The following SCGN variants were observed in gnomAD, a reference collection of about 807,000 sequenced individuals.
SCGN encodes secretagogin, EF-hand calcium binding protein, also known as secretagogin.
In SCGN, 30 loss-of-function variants were observed where a neutral mutation model predicts 39.7. The observed-to-expected ratio is 0.76, with a 90% CI of 0.57 to 1.03. The LOEUF (loss-of-function observed/expected upper bound fraction) is 1.03. SCGN is among the 50% of genes least tolerant of loss of function. The pLI is 0.00. For synonymous variants in SCGN, 106 were observed against 114.1 expected, an observed-to-expected ratio of 0.93 and a Z score of 0.45; for missense variants, 353 against 349.4, an observed-to-expected ratio of 1.01 and a Z score of -0.08.
chr6:25,697,398 T>G (rs941919108), intron 10 of SCGN, among the ~76,000 whole-genome samples: 1 of 152,226 alleles, frequency 6.6e-6, no homozygotes, highest in Non-Finnish European at 1.5e-5. Context: ...AGAATTATTT[T>G]AAGTGGGTTA....
At chr6:25,697,426 C>T (rs1739102604) in intron 10 of SCGN, among the ~76,000 whole-genome samples, 1 of 152,106 alleles carries the variant, frequency 6.6e-6, no homozygotes, top group South Asian at 2.1e-4. Flanking sequence ...ATGCACTTAC[C>T]ATCAGTGAAA....
intron 6 of SCGN, among the ~76,000 whole-genome samples, chr6:25,675,358 G>T (rs1484535294): frequency 6.6e-6 from 1 of 152,208 alleles, no homozygotes; most frequent in Non-Finnish European, 1.5e-5. Flanking sequence ...AGATAAGCCC[G>T]TGCCCAGGCA....
At chr6:25,700,798 AT>A (rs986556829) in intron 10 of SCGN, among the ~76,000 whole-genome samples, 8 of 151,580 alleles carry the variant, frequency 5.3e-5, no homozygotes, top group Admixed American at 1.3e-4. Flanking sequence ...CAGTATAACC[AT>A]TTTTTTTTAA....
Position 25,669,531 on chromosome 6 carries a change from T to A in SCGN, c.357T>A (p.Ala119=). The change falls in exon 5 of 11, where the codon GCT becomes GCA. Residue 119 remains alanine (A), a synonymous_variant. Transcript: ENST00000377961. Reference sequence around the variant, plus strand: ...TTCAGATTTGGCGCAAATATGACGCTGACAGCAGTGGCTTTATATCAGCTG... The same window carrying A: ...TTCAGATTTGGCGCAAATATGACGCAGACAGCAGTGGCTTTATATCAGCTG... ...EFMQIWRKYD[A]DSSGFISAAE... 6.2e-7 allele frequency: 1 copy of A among 1,613,766 alleles called. No homozygotes were observed. The highest frequency in any genetic ancestry group is 8.5e-7 in the Non-Finnish European group (1 of 1,179,648).
rs749218798 is a variant in SCGN at position 25,652,370 on chromosome 6, T to G, written c.-34T>G. On this transcript the variant is annotated 5_prime_UTR_variant, in exon 1 of 11. Coordinates refer to ENST00000377961, the MANE Select transcript of SCGN (RefSeq NM_006998.4). ...TCCTTCCCAAAGTTGTCTAGGTCCT[T>G]CCGCGCCGGTGCCTGGTCTTCGTCG... 3 of 1,599,464 alleles carry G rather than the reference T, an allele frequency of 1.9e-6. No individual in the cohort carries two copies. Among genetic ancestry groups the G allele is most frequent in the Admixed American group, 1.7e-5 (1 of 59,922 alleles).
At chr6:25,661,697 TCTTTA>T (rs1760341063) in intron 3 of SCGN, 53 bp downstream of exon 3, 1 of 1,218,294 alleles carries the variant, frequency 8.2e-7, no homozygotes, top group Admixed American at 1.7e-5. Context: ...ACTGTTTTTT[TCTTTA>T]CTTTATCGTC....
intron 6 of SCGN, among the ~76,000 whole-genome samples, chr6:25,680,184 C>A (rs1759621810): frequency 6.6e-6 from 1 of 152,150 alleles, no homozygotes; most frequent in Non-Finnish European, 1.5e-5. Context: ...ATATGCCAAG[C>A]ATTCAAAATT....
intron 10 of SCGN, among the ~76,000 whole-genome samples, chr6:25,693,267 C>T (rs188411310): frequency 2.6e-4 from 39 of 151,722 alleles, no homozygotes; most frequent in African/African-American, 7.7e-4. Flanking sequence ...CTGGCTAACG[C>T]GGTGAAACCC....
intron 6 of SCGN, among the ~76,000 whole-genome samples, chr6:25,681,525 G>A (rs2049968): frequency 0.39 from 58,676 of 152,060 alleles, 12,160 homozygotes; most frequent in Non-Finnish European, 0.47. Flanking sequence ...GTATTATTCT[G>A]TCCCTTTGAA....
chr6:25,652,552 A>G (rs1461732678), intron 1 of SCGN, 67 bp downstream of exon 1: 1 of 1,465,186 alleles, frequency 6.8e-7, no homozygotes, highest in Admixed American at 1.7e-5. Context: ...CGCTGAAAGG[A>G]CCTGGAGTTT....
At chr6:25,666,255 C>T (rs972528261) in intron 4 of SCGN, among the ~76,000 whole-genome samples, 2 of 151,134 alleles carry the variant, frequency 1.3e-5, no homozygotes, top group African/African-American at 2.4e-5. Flanking sequence ...ACTCGGGAGG[C>T]GTAGGGTGGA....
chr6:25,682,924 C>T (rs1759655901), intron 7 of SCGN, among the ~76,000 whole-genome samples: 2 of 152,198 alleles, frequency 1.3e-5, no homozygotes, highest in East Asian at 1.9e-4. Flanking sequence ...TATCTCCTTT[C>T]TTGGCAGCTA....
At chr6:25,670,556 C>G (rs1759482952) in intron 6 of SCGN, among the ~76,000 whole-genome samples, 1 of 152,238 alleles carries the variant, frequency 6.6e-6, no homozygotes, top group Non-Finnish European at 1.5e-5. Context: ...AGAAAACTGT[C>G]AAGCCTCTCA....
intron 7 of SCGN, among the ~76,000 whole-genome samples, chr6:25,686,459 C>A (rs1273942529): frequency 1.3e-5 from 2 of 152,078 alleles, no homozygotes; most frequent in Admixed American, 6.6e-5. Flanking sequence ...GCATTTCGAA[C>A]ATTTTTTATG....
intron 6 of SCGN, among the ~76,000 whole-genome samples, chr6:25,678,236 T>G (rs1434169441): frequency 2.0e-5 from 3 of 152,118 alleles, no homozygotes; most frequent in Non-Finnish European, 4.4e-5. Context: ...GGAAGAGTGA[T>G]GAAGGGCTCT....
chr6:25,674,281 A>G (rs4711091), intron 6 of SCGN, among the ~76,000 whole-genome samples: 58,863 of 152,098 alleles, frequency 0.39, 12,243 homozygotes, highest in Non-Finnish European at 0.47. Flanking sequence ...TTTGAGTTTG[A>G]TCAGAAGACA....
chr6:25,695,598 T>C (rs771508888), intron 10 of SCGN, among the ~76,000 whole-genome samples: 9 of 152,146 alleles, frequency 5.9e-5, no homozygotes, highest in Non-Finnish European at 1.0e-4. Context: ...GGCGTGATAT[T>C]GGCTCACTGC....
At chr6:25,683,292 A>G (rs972368745) in intron 7 of SCGN, among the ~76,000 whole-genome samples, 2 of 152,178 alleles carry the variant, frequency 1.3e-5, no homozygotes, top group South Asian at 2.1e-4. Context: ...GAAAGAGCCA[A>G]TCCCAAAGCC....
At chr6:25,655,515 T>G (rs550087758) in intron 2 of SCGN, among the ~76,000 whole-genome samples, 3 of 152,194 alleles carry the variant, frequency 2.0e-5, no homozygotes, top group Non-Finnish European at 4.4e-5. Context: ...GGGGCAAGCA[T>G]AATCCTCGAG....
Sources: gnomAD v4.1 joint callset for allele counts (sites outside exome capture counted in the v4.1 genomes callset) on GRCh38, gnomAD v4.1.1 for gene constraint, MANE v1.5 for transcripts, NCBI Gene and HGNC (gene_info 2026-07-23, HGNC 2026-07-21) for gene names.